ZNF410: variants seen among roughly 807,000 people sequenced by gnomAD.
ZNF410 encodes the protein zinc finger protein 410.
A neutral mutation model predicts 54.8 loss-of-function variants in ZNF410; 18 were observed. The observed-to-expected ratio is 0.33, with a 90% CI of 0.23 to 0.49. The LOEUF (loss-of-function observed/expected upper bound fraction) is 0.49. ZNF410 is among the 20% of genes least tolerant of loss of function. The probability of loss-of-function intolerance (pLI) is 0.99; values close to 1 mark genes in which losing one functional copy is unlikely to be tolerated. For missense variants in ZNF410, 405 were observed against 569.6 expected (o/e 0.71, Z 2.94); for synonymous variants, 191 against 207.3 (o/e 0.92, Z 0.68).
At chr14:73,891,106 A>G (rs11847761) in intron 1 of ZNF410, among the ~76,000 whole-genome samples, 1,677 of 151,768 alleles carry the variant, frequency 0.011, 26 homozygotes, top group African/African-American at 0.039. Flanking sequence ...TTTTTTTTAA[A>G]TGTAATTTTA....
chr14:73,890,903 C>T (rs980452382), intron 1 of ZNF410, among the ~76,000 whole-genome samples: 1 of 151,872 alleles, frequency 6.6e-6, no homozygotes, highest in African/African-American at 2.4e-5. Flanking sequence ...CCAGCTACTC[C>T]AGGAGTCTGA....
At chr14:73,927,775 G>C (rs1024012706) in intron 11 of ZNF410, 2 of 152,258 alleles carry the variant, frequency 1.3e-5, no homozygotes, top group Non-Finnish European at 2.9e-5. Context: ...TATGGTGCTG[G>C]AGTTGCACTG....
At chr14:73,892,483 AATAT>A (rs1252278355) in intron 2 of ZNF410, among the ~76,000 whole-genome samples, 2 of 151,716 alleles carry the variant, frequency 1.3e-5, no homozygotes, top group Non-Finnish European at 1.5e-5. Context: ...TTTATGTATA[AATAT>A]ATACATAAAT....
At chr14:73,913,960 T>G (rs1002855060) in intron 8 of ZNF410, 1 of 152,192 alleles carries the variant, frequency 6.6e-6, no homozygotes, top group African/African-American at 2.4e-5. Flanking sequence ...TAGTGTTTTC[T>G]ACATAAAAGA....
chr14:73,901,535 G>A (rs958485051), intron 5 of ZNF410, among the ~76,000 whole-genome samples: 1 of 151,472 alleles, frequency 6.6e-6, no homozygotes, highest in Non-Finnish European at 1.5e-5. Flanking sequence ...CTTATTCTAT[G>A]TATTCATTTT....
intron 4 of ZNF410, among the ~76,000 whole-genome samples, 159 bp from the exon 5 acceptor site, chr14:73,897,912 C>T (rs868697773): frequency 5.9e-5 from 8 of 135,546 alleles, no homozygotes; most frequent in Non-Finnish European, 1.1e-4. Flanking sequence ...GCGGAGGTTG[C>T]AGTAAGCCGA....
At chr14:73,893,343 G>A (rs970876773) in intron 2 of ZNF410, 6 of 152,752 alleles carry the variant, frequency 3.9e-5, no homozygotes, top group Non-Finnish European at 7.3e-5. Flanking sequence ...ATGCGAACAT[G>A]GTAGAGTATA....
intron 8 of ZNF410, among the ~76,000 whole-genome samples, chr14:73,919,285 C>T (rs958913764): frequency 3.3e-5 from 5 of 151,986 alleles, no homozygotes; most frequent in Non-Finnish European, 7.4e-5. Context: ...GTGTGAACCA[C>T]TGCACCTGGC....
At chr14:73,931,030 C>G (rs2055904436) in intron 11 of ZNF410, among the ~76,000 whole-genome samples, 1 of 152,186 alleles carries the variant, frequency 6.6e-6, no homozygotes, top group Non-Finnish European at 1.5e-5. Context: ...GCTTATCATT[C>G]TTTTAAGCCC....
At chr14:73,905,461 C>A (rs34579846) in intron 7 of ZNF410, 12,645 of 165,388 alleles carry the variant, frequency 0.076, 1,001 homozygotes, top group East Asian at 0.44. Context: ...CCATACAGAA[C>A]CTGTTCTAGG....
intron 11 of ZNF410, among the ~76,000 whole-genome samples, chr14:73,929,935 G>C (rs1464889653): frequency 6.6e-6 from 1 of 152,130 alleles, no homozygotes; most frequent in Non-Finnish European, 1.5e-5. Context: ...GAATTAGATG[G>C]AGGACTCATT....
At chr14:73,898,002 AGT>A in intron 4 of ZNF410, 67 bp from the exon 5 acceptor site, 1 of 966,276 alleles carries the variant, frequency 1.0e-6, no homozygotes. Context: ...GGACATGGAG[AGT>A]CTCTGAGCCA....
At chr14:73,927,859 A>T (rs899019293) in intron 11 of ZNF410, 1 of 147,292 alleles carries the variant, frequency 6.8e-6, no homozygotes, top group South Asian at 2.0e-4. Context: ...AATTTTTTAG[A>T]CGGAGTCTCA....
At chr14:73,919,886 GTTTTTTTTTTTT>G (rs1158550117) in intron 8 of ZNF410, among the ~76,000 whole-genome samples, 2 of 62,026 alleles carry the variant, frequency 3.2e-5, no homozygotes, top group African/African-American at 6.2e-5. Context: ...TATTGTATAG[GTTTTTTTTTTTT>G]TTTTTTTTTT....
At chr14:73,923,271 G>A (rs975645988) in intron 10 of ZNF410, 124 bp from the exon 11 acceptor site, 2 of 1,126,602 alleles carry the variant, frequency 1.8e-6, no homozygotes, top group African/African-American at 1.6e-5. Context: ...TAACTTGGAA[G>A]AAATAGAGGA....
chr14:73,923,464 T>C lies in ZNF410; in HGVS notation c.1340T>C (p.Met447Thr), dbSNP rs1278981904. The change falls in exon 11 of 12, where the codon ATG becomes ACG. Residue 447 changes from methionine (M) to threonine (T), a missense_variant. This residue lies in a region of ZNF410 where 127 missense variants were observed against 141.3 expected (regional missense o/e 0.90). Coordinates refer to ENST00000555044, the MANE Select transcript of ZNF410 (RefSeq NM_021188.3). Reference sequence around the variant, plus strand: ...GATGTGACACATCACCTGGTGACCATGCAGTCAGGGAGGCAATCATATGAA... The same window carrying C: ...GATGTGACACATCACCTGGTGACCACGCAGTCAGGGAGGCAATCATATGAA... ...VPDVTHHLVT[M>T]QSGRQSYEVS... 1.9e-6 allele frequency: 3 copies of C among 1,614,066 alleles called. No individual in the cohort carries two copies. Among genetic ancestry groups the C allele is most frequent in the Admixed American group, 1.7e-5 (1 of 60,006 alleles).
chr14:73,916,937 A>C (rs2055676578), intron 8 of ZNF410: 1 of 151,960 alleles, frequency 6.6e-6, no homozygotes, highest in Non-Finnish European at 1.5e-5. Context: ...GCCGAGATGC[A>C]CCACTGCACT....
intron 6 of ZNF410, 27 bp from the exon 7 acceptor site, chr14:73,904,875 T>C: frequency 1.2e-6 from 2 of 1,608,376 alleles, no homozygotes; most frequent in Non-Finnish European, 1.7e-6. Context: ...TTTTCAGATA[T>C]TTTTCCTTAT....
At chr14:73,891,021 T>TA (rs1214008878) in intron 1 of ZNF410, among the ~76,000 whole-genome samples, 1 of 151,098 alleles carries the variant, frequency 6.6e-6, no homozygotes, top group Non-Finnish European at 1.5e-5. Flanking sequence ...AATAAATAAA[T>TA]AAAAGAGAGA....
Sources: allele counts gnomAD v4.1 joint callset (sites outside exome capture counted in the v4.1 genomes callset), GRCh38; gene constraint gnomAD v4.1.1; regional missense constraint gnomAD v4.1.1; transcripts MANE v1.5; gene names NCBI Gene and HGNC (gene_info 2026-07-23, HGNC 2026-07-21).